The following ITSN1 variants were observed in gnomAD, a reference collection of about 807,000 sequenced individuals.
ITSN1 encodes intersectin 1, also known as intersectin-1.
A neutral mutation model predicts 239.8 loss-of-function variants in ITSN1; 58 were observed. That is an observed-to-expected ratio of 0.24 (90% CI 0.20 to 0.30). The LOEUF (loss-of-function observed/expected upper bound fraction) is 0.30. ITSN1 is among the 10% of genes least tolerant of loss of function. ITSN1 has a pLI of 1.00. For missense variants in ITSN1, 1,558 were observed against 2,103.3 expected (o/e 0.74, Z 5.07); for synonymous variants, 780 against 770.8 (o/e 1.01, Z -0.20).
chr21:33,655,551 G>C (rs1963132750), intron 1 of ITSN1, among the ~76,000 whole-genome samples: 1 of 150,920 alleles, frequency 6.6e-6, no homozygotes, highest in South Asian at 2.1e-4. Context: ...CCCCAGAGTG[G>C]GTAGGATTAC....
chr21:33,722,931 A>G (rs1004541855), intron 4 of ITSN1, among the ~76,000 whole-genome samples: 2 of 152,208 alleles, frequency 1.3e-5, no homozygotes, highest in African/African-American at 4.8e-5. Context: ...TCCTTCACCA[A>G]TTAGTTTTGG....
At chr21:33,884,384 G>A (rs1369935858) in intron 36 of ITSN1, among the ~76,000 whole-genome samples, 2 of 152,108 alleles carry the variant, frequency 1.3e-5, no homozygotes, top group African/African-American at 4.8e-5. Context: ...GACTTAAATG[G>A]GCATTCTGGA....
At chr21:33,805,154 G>T (rs1235298564) in intron 20 of ITSN1, among the ~76,000 whole-genome samples, 1 of 152,186 alleles carries the variant, frequency 6.6e-6, no homozygotes, top group African/African-American at 2.4e-5. Flanking sequence ...AGGAACCGCT[G>T]ATCTAACCTA....
intron 25 of ITSN1, among the ~76,000 whole-genome samples, chr21:33,825,301 T>G (rs189559260): frequency 6.6e-6 from 1 of 152,192 alleles, no homozygotes. Context: ...TTTTTAGATA[T>G]ACATCTAGCT....
rs551868804 is a variant in ITSN1 at position 33,643,202 on chromosome 21, C to G, written c.-33+489C>G. On this transcript the variant is annotated intron_variant, in intron 1 of 39. Coordinates refer to ENST00000381318, the MANE Select transcript of ITSN1 (RefSeq NM_003024.3). ...CTGCCTGGAGCCCCGGCTCCTTCCTCGGCCCCTCGCTCGCAAGCCTGCAGA... is the reference window on the plus strand; with the variant it reads ...CTGCCTGGAGCCCCGGCTCCTTCCTGGGCCCCTCGCTCGCAAGCCTGCAGA... Among the ~76,000 whole-genome samples the G allele has an allele frequency of 7.2e-5, 11 of 151,842 alleles. No individual in the cohort carries two copies. The South Asian group carries it at 2.3e-3, about 32-fold the overall frequency.
chr21:33,874,771 C>G (rs1057411701), intron 33 of ITSN1, among the ~76,000 whole-genome samples: 13 of 151,906 alleles, frequency 8.6e-5, no homozygotes, highest in Non-Finnish European at 1.8e-4. Flanking sequence ...GCCTCAGCCC[C>G]CCGAGTAGCT....
At chr21:33,817,579 T>C in intron 22 of ITSN1, 1 of 1,300,810 alleles carries the variant, frequency 7.7e-7, no homozygotes, top group Non-Finnish European at 1.0e-6. Flanking sequence ...CCATTACTTG[T>C]GAATTACCTG....
At chr21:33,670,862 C>G (rs2090227826) in intron 1 of ITSN1, among the ~76,000 whole-genome samples, 1 of 152,152 alleles carries the variant, frequency 6.6e-6, no homozygotes, top group African/African-American at 2.4e-5. Context: ...CTTGGTGATT[C>G]AAATATCAAG....
intron 20 of ITSN1, among the ~76,000 whole-genome samples, chr21:33,805,250 G>A (rs1246207979): frequency 1.3e-5 from 2 of 152,206 alleles, no homozygotes; most frequent in Non-Finnish European, 2.9e-5. Context: ...GACTTCTTTA[G>A]TAGTTATCAG....
chr21:33,888,342 GC>G lies in ITSN1; in HGVS notation c.*44del. 2 of 1,562,332 alleles carry G rather than the reference GC, an allele frequency of 1.3e-6. No homozygotes were observed. The highest frequency in any genetic ancestry group is 1.7e-6 in the Non-Finnish European group (2 of 1,149,828). Reference sequence around the variant, plus strand: ...GTGCTCAGCAGGGTCCCAGCCCACGGCCACACATGCTGTCTGGAAATTGTAT... The same window carrying G: ...GTGCTCAGCAGGGTCCCAGCCCACGGCACACATGCTGTCTGGAAATTGTAT... On this transcript the variant is annotated 3_prime_UTR_variant, in exon 40 of 40. Coordinates refer to ENST00000381318, the MANE Select transcript of ITSN1 (RefSeq NM_003024.3).
chr21:33,781,301 A>G (rs2070159169), intron 14 of ITSN1, among the ~76,000 whole-genome samples, 160 bp from the exon 15 acceptor site: 1 of 151,928 alleles, frequency 6.6e-6, no homozygotes. Flanking sequence ...AATTTCTTGG[A>G]AAGAAAGCAG....
At chr21:33,879,962 G>A (rs1274018985) in intron 34 of ITSN1, among the ~76,000 whole-genome samples, 4 of 152,236 alleles carry the variant, frequency 2.6e-5, no homozygotes, top group Non-Finnish European at 5.9e-5. Context: ...TTACAGGTGT[G>A]ATCCACTGCA....
intron 8 of ITSN1, among the ~76,000 whole-genome samples, chr21:33,756,511 C>G (rs2067929175): frequency 6.6e-6 from 1 of 151,752 alleles, no homozygotes; most frequent in South Asian, 2.1e-4. Flanking sequence ...CTATTTTTTC[C>G]TTGCTATTAC....
At chr21:33,649,782 C>T (rs967697710) in intron 1 of ITSN1, among the ~76,000 whole-genome samples, 1 of 151,466 alleles carries the variant, frequency 6.6e-6, no homozygotes, top group African/African-American at 2.4e-5. Flanking sequence ...TTTGAGAGGC[C>T]GAGGTGTGCG....
At chr21:33,746,975 G>A (rs980355388) in intron 5 of ITSN1, among the ~76,000 whole-genome samples, 14 of 152,156 alleles carry the variant, frequency 9.2e-5, no homozygotes, top group African/African-American at 2.9e-4. Flanking sequence ...CCAACATGAC[G>A]AAACCCCGTC....
intron 1 of ITSN1, among the ~76,000 whole-genome samples, chr21:33,686,814 T>G (rs2091264592): frequency 1.3e-5 from 2 of 152,208 alleles, no homozygotes; most frequent in South Asian, 4.1e-4. Flanking sequence ...AGAATGAATG[T>G]GTGAACAGAT....
chr21:33,829,364 GGTAA>G (rs2074158866), intron 26 of ITSN1: 4 of 449,830 alleles, frequency 8.9e-6, no homozygotes, highest in Non-Finnish European at 4.1e-6. Context: ...GAGGGAAGTT[GGTAA>G]GTAAGTTTCA....
At chr21:33,748,593 A>G (rs926271049) in intron 5 of ITSN1, among the ~76,000 whole-genome samples, 9 of 152,070 alleles carry the variant, frequency 5.9e-5, no homozygotes, top group African/African-American at 2.2e-4. Context: ...TAATCCCAGC[A>G]CTTTGAGAGG....
chr21:33,885,520 A>T lies in ITSN1; in HGVS notation c.4841A>T (p.His1614Leu). The change falls in exon 38 of 40, where the codon CAT (histidine) becomes CTT (leucine). Residue 1614 changes from histidine to leucine, a missense_variant and splice_region_variant. By Grantham distance (99) the His-to-Leu change is moderately conservative. Coordinates refer to ENST00000381318, the MANE Select transcript of ITSN1 (RefSeq NM_003024.3). ...EGIELKPCRS[H>L]GKSNPYCEVT... ...ATCGAGTTGAAACCCTGTCGGTCAC[A>T]TGGTAAGGCTGTGAGGCGCCCCCGG... 3 of 1,613,930 alleles carry T rather than the reference A, an allele frequency of 1.9e-6. No homozygotes were observed. In the South Asian group the frequency reaches 3.3e-5, roughly 18 times the overall value.
Sources: gnomAD v4.1 joint callset for allele counts (sites outside exome capture counted in the v4.1 genomes callset) on GRCh38, gnomAD v4.1.1 for gene constraint, MANE v1.5 for transcripts, NCBI Gene and HGNC (gene_info 2026-07-23, HGNC 2026-07-21) for gene names.